Variants in KCNIP3 observed in about 807,000 individuals in gnomAD.
KCNIP3 encodes the protein calsenilin.
KCNIP3 carries 28 observed loss-of-function variants against 35.0 expected under a neutral mutation model. That is an observed-to-expected ratio of 0.80 (90% CI 0.59 to 1.10). The LOEUF is 1.10. KCNIP3 is among the 50% of genes least tolerant of loss of function. KCNIP3 has a pLI of 0.00. For synonymous variants in KCNIP3, 134 were observed against 133.8 expected, an observed-to-expected ratio of 1.00 and a Z score of -0.01; for missense variants, 295 against 338.4, an observed-to-expected ratio of 0.87 and a Z score of 1.01.
At chr2:95,318,109 G>A (rs1463004862) in intron 2 of KCNIP3, among the ~76,000 whole-genome samples, 1 of 152,080 alleles carries the variant, frequency 6.6e-6, no homozygotes, top group African/African-American at 2.4e-5. Flanking sequence ...AAGGACTGCA[G>A]TCTTTGCAGC....
In KCNIP3 at chr2:95,314,153, G is replaced by T. The variant is rs553331175; in HGVS notation, c.181+3633G>T. Among the ~76,000 whole-genome samples the T allele has an allele frequency of 3.7e-4, 56 of 152,178 alleles. No homozygotes were observed. In the South Asian group the frequency reaches 0.011, roughly 31 times the overall value. ...TAAAGACACCACCACCAGTGCTCCT[G>T]GGAAAGAGGGGTAGCAGAAAGGCAT... On this transcript the variant is annotated intron_variant, in intron 2 of 8. Coordinates refer to ENST00000295225, the MANE Select transcript of KCNIP3 (RefSeq NM_013434.5).
chr2:95,340,338 AAAACAAACAAAC>A (rs3076105), intron 2 of KCNIP3, among the ~76,000 whole-genome samples: 1 of 150,596 alleles, frequency 6.6e-6, no homozygotes, highest in Admixed American at 6.6e-5. Flanking sequence ...CTCCATCTCA[AAAACAAACAAAC>A]AAACAAACAA....
intron 2 of KCNIP3, chr2:95,313,751 C>T (rs1678379926): frequency 6.6e-6 from 1 of 152,186 alleles, no homozygotes; most frequent in African/African-American, 2.4e-5. Context: ...CTCCAGGCCT[C>T]AGGAAGTTCA....
intron 1 of KCNIP3, among the ~76,000 whole-genome samples, chr2:95,308,412 C>A (rs1035154191): frequency 5.3e-5 from 8 of 152,184 alleles, no homozygotes; most frequent in African/African-American, 1.2e-4. Context: ...GCCCAAAAGC[C>A]AGGATAAGGG....
intron 1 of KCNIP3, among the ~76,000 whole-genome samples, chr2:95,306,185 G>A (rs1372278470): frequency 1.3e-5 from 2 of 152,166 alleles, no homozygotes; most frequent in Admixed American, 6.5e-5. Flanking sequence ...CTAGCTGTTC[G>A]GACAGGCACA....
At chr2:95,300,607 G>A (rs1250174962) in intron 1 of KCNIP3, among the ~76,000 whole-genome samples, 33 of 152,156 alleles carry the variant, frequency 2.2e-4, no homozygotes, top group Admixed American at 4.6e-4. Flanking sequence ...GGCGAGTCCC[G>A]TGCTGCTTCC....
chr2:95,322,574 A>C (rs1678623183), intron 2 of KCNIP3, among the ~76,000 whole-genome samples: 1 of 152,186 alleles, frequency 6.6e-6, no homozygotes, highest in Admixed American at 6.5e-5. Flanking sequence ...AAAGGGCCAA[A>C]GCAGTGCTGC....
intron 2 of KCNIP3, among the ~76,000 whole-genome samples, chr2:95,349,877 A>G (rs1244481075): frequency 1.3e-5 from 2 of 152,166 alleles, no homozygotes; most frequent in Non-Finnish European, 2.9e-5. Flanking sequence ...AGGGCCATCA[A>G]GGGGATCTCA....
intron 1 of KCNIP3, among the ~76,000 whole-genome samples, chr2:95,305,007 C>T (rs888650375): frequency 2.6e-5 from 4 of 152,194 alleles, no homozygotes; most frequent in East Asian, 1.9e-4. Context: ...AGCCTAGGGC[C>T]GTTTCTGGGA....
intron 1 of KCNIP3, among the ~76,000 whole-genome samples, chr2:95,306,748 C>A (rs1456356399): frequency 2.0e-5 from 3 of 152,158 alleles, no homozygotes; most frequent in African/African-American, 7.2e-5. Context: ...CATGTTCCAT[C>A]TCATCACTGC....
intron 2 of KCNIP3, among the ~76,000 whole-genome samples, chr2:95,350,199 G>T (rs1573506316): frequency 6.6e-6 from 1 of 152,180 alleles, no homozygotes; most frequent in Admixed American, 6.5e-5. Context: ...GTGACATAAA[G>T]GTCCTCCTTG....
intron 2 of KCNIP3, among the ~76,000 whole-genome samples, chr2:95,343,773 C>T (rs920836475): frequency 2.0e-4 from 30 of 152,296 alleles, no homozygotes; most frequent in Admixed American, 1.0e-3. Flanking sequence ...GCAGTCAAGA[C>T]AGGGCTGGTA....
chr2:95,370,334 G>T (rs186157639), intron 2 of KCNIP3, among the ~76,000 whole-genome samples: 1 of 152,312 alleles, frequency 6.6e-6, no homozygotes, highest in African/African-American at 2.4e-5. Context: ...GTCAGAGTAG[G>T]TTTGTTTTGA....
chr2:95,325,351 G>A (rs943801869), intron 2 of KCNIP3, among the ~76,000 whole-genome samples: 5 of 152,156 alleles, frequency 3.3e-5, no homozygotes, highest in African/African-American at 1.2e-4. Flanking sequence ...CAGCAGGAGG[G>A]CGGGTGCGGA....
intron 2 of KCNIP3, among the ~76,000 whole-genome samples, chr2:95,317,046 T>A (rs555178387): frequency 9.0e-4 from 137 of 152,314 alleles, no homozygotes; most frequent in Non-Finnish European, 1.7e-3. Context: ...CCCTTCTGCA[T>A]TTTAGAGAGG....
chr2:95,343,736 C>G (rs570624051), intron 2 of KCNIP3, among the ~76,000 whole-genome samples: 5 of 152,192 alleles, frequency 3.3e-5, no homozygotes, highest in African/African-American at 7.2e-5. Context: ...GTGGCCCAGG[C>G]AGGTGTGTGC....
intron 7 of KCNIP3, 87 bp from the exon 8 acceptor site, chr2:95,383,140 TCCACC>T (rs1680390622): frequency 5.6e-6 from 2 of 358,718 alleles, no homozygotes; most frequent in African/African-American, 4.7e-5. Flanking sequence ...CACCCGCCCA[TCCACC>T]CACCCATGAC....
chr2:95,372,424 C>T (rs763352711), intron 2 of KCNIP3, among the ~76,000 whole-genome samples: 3 of 152,122 alleles, frequency 2.0e-5, no homozygotes, highest in African/African-American at 4.8e-5. Context: ...GCTTGCCTGG[C>T]GTGGGATGCT....
At chr2:95,356,388 A>G (rs1188467192) in intron 2 of KCNIP3, among the ~76,000 whole-genome samples, 1 of 152,008 alleles carries the variant, frequency 6.6e-6, no homozygotes, top group African/African-American at 2.4e-5. Context: ...TTTTGTTGCT[A>G]TTGCTTTTGG....
Sources: allele counts gnomAD v4.1 joint callset (sites outside exome capture counted in the v4.1 genomes callset), GRCh38; gene constraint gnomAD v4.1.1; transcripts MANE v1.5; gene names NCBI Gene and HGNC (gene_info 2026-07-23, HGNC 2026-07-21).